PPARGC1A: variants seen among roughly 807,000 people sequenced by gnomAD.
The protein encoded by PPARGC1A is PPARG coactivator 1 alpha, also known as peroxisome proliferator-activated receptor gamma coactivator 1-alpha.
PPARGC1A carries 25 observed loss-of-function variants against 88.7 expected under a neutral mutation model. The ratio of observed to expected loss-of-function variants is 0.28; its 90% CI spans 0.21 to 0.39. The LOEUF is 0.39. Ranked by LOEUF, PPARGC1A falls within the 10% of genes least tolerant of loss-of-function variation. PPARGC1A has a pLI of 1.00. For synonymous variants in PPARGC1A, 363 were observed against 355.6 expected (o/e 1.02, Z -0.24); for missense variants, 880 against 968.7 (o/e 0.91, Z 1.22).
At chr4:24,327,649 C>A in the PPARGC1A span, among the ~76,000 whole-genome samples, 4 of 151,886 alleles carry the variant, frequency 2.6e-5, no homozygotes, top group Non-Finnish European at 4.4e-5. Context: ...CACAAGATCT[C>A]CCTTCAGCTT....
chr4:23,855,098 A>G (rs1012432652), intron 2 of PPARGC1A, among the ~76,000 whole-genome samples: 2 of 151,692 alleles, frequency 1.3e-5, no homozygotes, highest in African/African-American at 4.8e-5. Context: ...ATAAGGGGAA[A>G]CCCCTTTCAC....
chr4:23,882,604 G>A (rs1003917613), intron 2 of PPARGC1A: 1 of 151,994 alleles, frequency 6.6e-6, no homozygotes, highest in Non-Finnish European at 1.5e-5. Flanking sequence ...TGTGGGGCGG[G>A]GACCAAAATC....
the PPARGC1A span, among the ~76,000 whole-genome samples, chr4:24,191,493 T>C: frequency 2.6e-5 from 4 of 152,184 alleles, no homozygotes; most frequent in Non-Finnish European, 5.9e-5. Flanking sequence ...TTTGCATGCT[T>C]TCTGGACTCC....
the PPARGC1A span, among the ~76,000 whole-genome samples, chr4:24,013,614 G>T: frequency 1.3e-5 from 2 of 152,246 alleles, no homozygotes; most frequent in African/African-American, 4.8e-5. Flanking sequence ...TTAGGAAATA[G>T]AATTCATGTT....
At chr4:23,849,524 C>A (rs1728904012) in intron 2 of PPARGC1A, among the ~76,000 whole-genome samples, 1 of 151,946 alleles carries the variant, frequency 6.6e-6, no homozygotes, top group Non-Finnish European at 1.5e-5. Flanking sequence ...AAATCAAAAA[C>A]CACTGAATCA....
At chr4:23,947,076 T>A in the PPARGC1A span, among the ~76,000 whole-genome samples, 1 of 151,950 alleles carries the variant, frequency 6.6e-6, no homozygotes, top group Admixed American at 6.6e-5. Context: ...TTACAATATC[T>A]ACTGTCCCCC....
the PPARGC1A span, among the ~76,000 whole-genome samples, chr4:24,387,762 G>GAAAGAAAGAAAGAA: frequency 1.4e-3 from 99 of 72,822 alleles, 1 homozygote; most frequent in Middle Eastern, 5.4e-3. Flanking sequence ...GAGAGAGAGA[G>GAAAGAAAGAAAGAA]AGAGAGAAAG....
the PPARGC1A span, among the ~76,000 whole-genome samples, chr4:24,255,338 A>G: frequency 6.6e-6 from 1 of 152,346 alleles, no homozygotes; most frequent in Non-Finnish European, 1.5e-5. Flanking sequence ...GGCAAATATG[A>G]AATGTAATCA....
the PPARGC1A span, among the ~76,000 whole-genome samples, chr4:23,922,053 A>G: frequency 6.6e-6 from 1 of 152,252 alleles, no homozygotes; most frequent in Non-Finnish European, 1.5e-5. Flanking sequence ...TTAGCAGAGC[A>G]GAGAAAAAAT....
chr4:24,145,490 A>G, the PPARGC1A span, among the ~76,000 whole-genome samples: 7 of 152,190 alleles, frequency 4.6e-5, no homozygotes, highest in East Asian at 1.2e-3. Flanking sequence ...CCTTGACTCT[A>G]TTGCTGAGTT....
At chr4:23,914,343 T>C in the PPARGC1A span, among the ~76,000 whole-genome samples, 1 of 152,216 alleles carries the variant, frequency 6.6e-6, no homozygotes, top group African/African-American at 2.4e-5. Context: ...CATACTGCCT[T>C]TTCAAATACT....
chr4:23,922,413 T>C, the PPARGC1A span, among the ~76,000 whole-genome samples: 1 of 152,180 alleles, frequency 6.6e-6, no homozygotes, highest in Non-Finnish European at 1.5e-5. Context: ...TTCTCCTCCT[T>C]TCTTTCCCCC....
At position 23,793,777 on chromosome 4, in the gene PPARGC1A, C is replaced by T. The variant is rs1335490682; in HGVS notation, c.*2045G>A. 6.6e-6 allele frequency: 1 copy of T among 151,888 alleles called. No homozygotes were observed. The highest frequency in any genetic ancestry group is 1.5e-5 in the Non-Finnish European group (1 of 68,002). The allele number at this position is 151,888 out of a possible 1,614,324, so 9.4% of individuals were successfully genotyped here. A position where few individuals can be genotyped will look rare whatever the true frequency, so the allele number is the denominator to read the frequency against. On this transcript the variant is annotated 3_prime_UTR_variant, in exon 13 of 13. Transcript: ENST00000264867. Reference sequence around the variant, plus strand: ...ATCAAGAACAACACCATGGTCACGTCAGAGGCCATGCTAGTGCAAGTAGAA... The same window carrying T: ...ATCAAGAACAACACCATGGTCACGTTAGAGGCCATGCTAGTGCAAGTAGAA...
chr4:24,110,962 T>C, the PPARGC1A span, among the ~76,000 whole-genome samples: 1 of 152,196 alleles, frequency 6.6e-6, no homozygotes, highest in African/African-American at 2.4e-5. Context: ...TAGGTCATTC[T>C]ACATAAATAA....
chr4:24,404,319 G>C, the PPARGC1A span, among the ~76,000 whole-genome samples: 17 of 151,838 alleles, frequency 1.1e-4, no homozygotes, highest in East Asian at 2.5e-3. Context: ...GGGTGGCTGA[G>C]AACAGATCAG....
At chr4:24,397,952 T>G in the PPARGC1A span, among the ~76,000 whole-genome samples, 2 of 152,198 alleles carry the variant, frequency 1.3e-5, no homozygotes, top group South Asian at 4.1e-4. Context: ...TATAGTCCCT[T>G]CCTACACTGA....
chr4:24,355,408 CAAG>C, the PPARGC1A span, among the ~76,000 whole-genome samples: 1 of 152,160 alleles, frequency 6.6e-6, no homozygotes, highest in Non-Finnish European at 1.5e-5. Flanking sequence ...CTTTTATTGT[CAAG>C]AAGAGGAGCT....
the PPARGC1A span, among the ~76,000 whole-genome samples, chr4:24,057,455 T>TA: frequency 1.2e-5 from 1 of 81,944 alleles, no homozygotes; most frequent in African/African-American, 5.4e-5. Context: ...CTAAGATGGT[T>TA]TAAAAAAAAA....
At chr4:24,083,173 A>G in the PPARGC1A span, among the ~76,000 whole-genome samples, 1 of 152,164 alleles carries the variant, frequency 6.6e-6, no homozygotes, top group Non-Finnish European at 1.5e-5. Flanking sequence ...AGCAAGATTT[A>G]GATTCTGGCT....
Sources: allele counts gnomAD v4.1 joint callset (sites outside exome capture counted in the v4.1 genomes callset), GRCh38; gene constraint gnomAD v4.1.1; transcripts MANE v1.5; gene names NCBI Gene and HGNC (gene_info 2026-07-23, HGNC 2026-07-21).